AP2A1: variants seen among roughly 807,000 people sequenced by gnomAD.
AP2A1 encodes adaptor related protein complex 2 subunit alpha 1.
A neutral mutation model predicts 107.3 loss-of-function variants in AP2A1; 21 were observed. The ratio of observed to expected loss-of-function variants is 0.20; its 90% CI spans 0.14 to 0.28. The LOEUF (loss-of-function observed/expected upper bound fraction) is 0.28, where lower values mean the gene tolerates loss of function less well. Among genes scored for constraint, AP2A1 ranks in the 10% least tolerant of loss-of-function variants. The probability of loss-of-function intolerance (pLI) is 1.00; values close to 1 mark genes in which losing one functional copy is unlikely to be tolerated. For synonymous variants in AP2A1, 602 were observed against 564.8 expected (o/e 1.07, Z -0.93); for missense variants, 873 against 1,307.7 (o/e 0.67, Z 5.13).
intron 5 of AP2A1, 84 bp from the exon 6 acceptor site, chr19:49,792,907 C>A: frequency 8.2e-7 from 1 of 1,212,422 alleles, no homozygotes; most frequent in Non-Finnish European, 1.2e-6. Context: ...GCACACACAT[C>A]CCGACCCTGT....
rs1201522864 is a variant in AP2A1, at chr19:49,806,529, G to T, written c.2791-152G>T. ...TTTTATAATTTTCTTCCTCTCTGGCGCCTCTGTTGATTTCAGTCTTACATT... is the reference window on the plus strand; with the variant it reads ...TTTTATAATTTTCTTCCTCTCTGGCTCCTCTGTTGATTTCAGTCTTACATT... On this transcript the variant is annotated intron_variant, in intron 22 of 22. Transcript: ENST00000354293. 5.5e-6 allele frequency: 8 copies of T among 1,452,130 alleles called. No individual in the cohort carries two copies. The Admixed American group carries it at 1.7e-4, about 30-fold the overall frequency. The allele number at this position is 1,452,130 out of a possible 1,614,324, so 90.0% of individuals were successfully genotyped here.
intron 18 of AP2A1, 184 bp downstream of exon 18, chr19:49,803,560 T>C: frequency 1.6e-6 from 1 of 626,526 alleles, no homozygotes; most frequent in Non-Finnish European, 2.9e-6. Context: ...GGACAGGGGA[T>C]GACAGTGAAG....
chr19:49,781,999 T>G lies in AP2A1; in HGVS notation c.189T>G (p.Leu63=). 1 of 1,609,252 alleles carries G rather than the reference T, an allele frequency of 6.2e-7. No homozygotes were observed. The highest frequency in any genetic ancestry group is 8.5e-7 in the Non-Finnish European group (1 of 1,177,614). The change falls in exon 3 of 23, where the codon CTT becomes CTG. Residue 63 remains leucine (L), a synonymous_variant. Transcript: ENST00000354293. ...AGAAAAAATATGTGTGTAAACTGCT[T>G]TTCATCTTCCTGCTTGGCCATGACA... is the stretch of plus-strand genomic sequence containing the variant. ...YSKKKYVCKL[L]FIFLLGHDID...
chr19:49,793,224 TTCATCCTGGCTCGGCC>T (rs2073169113), intron 6 of AP2A1, 132 bp downstream of exon 6: 9 of 900,362 alleles, frequency 1.0e-5, no homozygotes, highest in Non-Finnish European at 1.5e-5. Context: ...CTGAGCTGGA[TTCATCCTGGCTCGGCC>T]TCTTCCTGGC....
At chr19:49,802,899 G>GCC in intron 15 of AP2A1, 50 bp from the exon 16 acceptor site, 1 of 1,583,728 alleles carries the variant, frequency 6.3e-7, no homozygotes, top group African/African-American at 1.3e-5. Flanking sequence ...CTGGGCCTTT[G>GCC]CCCCTCCCCA....
intron 4 of AP2A1, among the ~76,000 whole-genome samples, chr19:49,784,511 T>C (rs528760359): frequency 6.6e-6 from 1 of 152,280 alleles, no homozygotes; most frequent in Non-Finnish European, 1.5e-5. Context: ...ATATTTCATA[T>C]GTTTCAATAA....
At chr19:49,783,789 T>C (rs148910173) in intron 4 of AP2A1, among the ~76,000 whole-genome samples, 7 of 152,350 alleles carry the variant, frequency 4.6e-5, no homozygotes, top group East Asian at 1.9e-4. Context: ...TCTCGAAGGC[T>C]GTACTTCAAA....
intron 16 of AP2A1, 31 bp from the exon 17 acceptor site, chr19:49,803,076 C>A: frequency 6.2e-7 from 1 of 1,613,744 alleles, no homozygotes; most frequent in Non-Finnish European, 8.5e-7. Context: ...AGACAGGCAC[C>A]CCCGTCATCT....
chr19:49,800,262 C>T lies in AP2A1; in HGVS notation c.1455+112C>T, dbSNP rs1311515063. On this transcript the variant is annotated intron_variant, in intron 11 of 22. Coordinates refer to ENST00000354293, the MANE Select transcript of AP2A1 (RefSeq NM_130787.3). ...CCGCAGCCACCCTCCTTCTCCTGCA[C>T]TGCCGTGACCTCAAAATGGGGCCTC... 12 of 1,287,032 alleles carry T rather than the reference C, an allele frequency of 9.3e-6. No homozygotes were observed. In the Admixed American group the frequency reaches 1.7e-4, roughly 18 times the overall value. The allele number at this position is 1,287,032 out of a possible 1,614,324, so 79.7% of individuals were successfully genotyped here. A position where few individuals can be genotyped will look rare whatever the true frequency, so the allele number is the denominator to read the frequency against.
chr19:49,806,109 CT>C lies in AP2A1; in HGVS notation c.2656-9del. ...CTGGCACACTCTGACGGCGCCCCCCCTCCTCCCAGCTTCTGGGGTTTGGCTC... is the reference window on the plus strand; with the variant it reads ...CTGGCACACTCTGACGGCGCCCCCCCCCTCCCAGCTTCTGGGGTTTGGCTC... On this transcript the variant is annotated splice_polypyrimidine_tract_variant and intron_variant, in intron 21 of 22. Coordinates refer to ENST00000354293, the MANE Select transcript of AP2A1 (RefSeq NM_130787.3). 6.4e-7 allele frequency: 1 copy of C among 1,566,038 alleles called. No individual in the cohort carries two copies. Among genetic ancestry groups the C allele is most frequent in the Non-Finnish European group, 8.7e-7 (1 of 1,154,804 alleles).
Position 49,806,270 on chromosome 19 carries a change from G to A in AP2A1, c.2790+17G>A, listed in dbSNP as rs915480359. The A allele has an allele frequency of 1.9e-6, 3 of 1,581,828 alleles. No homozygotes were observed. The highest frequency in any genetic ancestry group is 2.6e-6 in the Non-Finnish European group (3 of 1,163,360). On this transcript the variant is annotated intron_variant, in intron 22 of 22. Transcript: ENST00000354293. The stretch of plus-strand genomic sequence containing the variant: ...CAGGCCCAGGTGAGTGCTGCTGTGG[G>A]AGGCCTGAGGCCGGCAGGAAGGCCG...
At position 49,807,092 on chromosome 19, in the gene AP2A1, G is replaced by T; in HGVS notation, c.*334G>T. On this transcript the variant is annotated 3_prime_UTR_variant, in exon 23 of 23. Coordinates refer to ENST00000354293, the MANE Select transcript of AP2A1 (RefSeq NM_130787.3). Reference sequence around the variant, plus strand: ...CCAGGGGCTGTGTATTATTGTGAGCGAATAAACAGAGAGACGCTAACAGCC... The same window carrying T: ...CCAGGGGCTGTGTATTATTGTGAGCTAATAAACAGAGAGACGCTAACAGCC... 1 of 1,605,766 alleles carries T rather than the reference G, an allele frequency of 6.2e-7. No individual in the cohort carries two copies.
chr19:49,806,236 C>A lies in AP2A1; in HGVS notation c.2773C>A (p.Pro925Thr), dbSNP rs767706032. Residue 925 changes from proline to threonine, a missense_variant, in exon 22 of 23, where the codon CCC becomes ACC. Pro to Thr is a conservative substitution (Grantham distance 38, BLOSUM62 -1). Transcript: ENST00000354293. ...LQVGCLLRLE[P>T]NAQAQMYRLT... The stretch of plus-strand genomic sequence containing the variant: ...GGTGGGCTGTCTGCTTCGGCTGGAG[C>A]CCAATGCCCAGGCCCAGGTGAGTGC... 11 of 1,607,176 alleles carry A rather than the reference C, an allele frequency of 6.8e-6. No individual in the cohort carries two copies. The highest frequency in any genetic ancestry group is 9.3e-6 in the Non-Finnish European group (11 of 1,177,310).
Position 49,767,040 on chromosome 19 carries a change from G to T in AP2A1, c.-94G>T, listed in dbSNP as rs2084509376. 7.5e-7 allele frequency: 1 copy of T among 1,335,564 alleles called. No individual in the cohort carries two copies. The highest frequency in any genetic ancestry group is 9.9e-7 in the Non-Finnish European group (1 of 1,011,352). The allele number at this position is 1,335,564 out of a possible 1,614,324, so 82.7% of individuals were successfully genotyped here. A position where few individuals can be genotyped will look rare whatever the true frequency, so the allele number is the denominator to read the frequency against. On this transcript the variant is annotated 5_prime_UTR_variant, in exon 1 of 23. Coordinates refer to ENST00000354293, the MANE Select transcript of AP2A1 (RefSeq NM_130787.3). ...CCCGCGGCCGGCTCGGCTCCTTGGC[G>T]CTGCCTGGGGTCCTTTCCGCCCGGT... is the stretch of plus-strand genomic sequence containing the variant.
chr19:49,767,094 G>T lies in AP2A1; in HGVS notation c.-40G>T. The T allele has an allele frequency of 6.2e-7, 1 of 1,606,136 alleles. No homozygotes were observed. The highest frequency in any genetic ancestry group is 8.5e-7 in the Non-Finnish European group (1 of 1,178,254). On this transcript the variant is annotated 5_prime_UTR_variant, in exon 1 of 23. Transcript: ENST00000354293. ...CGCTTGCCAGCCCCCGCTGCTCTGT[G>T]CCCTGTCCGGCCAGGCCTGGAGCCG...
intron 4 of AP2A1, among the ~76,000 whole-genome samples, chr19:49,790,540 A>G (rs1266550684): frequency 6.6e-6 from 1 of 152,168 alleles, no homozygotes; most frequent in Non-Finnish European, 1.5e-5. Context: ...GTGGGTCTAC[A>G]GGCATGCGCC....
At chr19:49,795,856 T>C in intron 7 of AP2A1, 118 bp downstream of exon 7, 1 of 823,184 alleles carries the variant, frequency 1.2e-6, no homozygotes, top group Non-Finnish European at 1.9e-6. Context: ...TCTCTGAAGC[T>C]GGGGCGGTTC....
At chr19:49,776,606 C>T (rs935221445) in intron 1 of AP2A1, among the ~76,000 whole-genome samples, 1 of 149,076 alleles carries the variant, frequency 6.7e-6, no homozygotes, top group Non-Finnish European at 1.5e-5. Flanking sequence ...GCTTGCTTGC[C>T]TCCTGTGACA....
intron 18 of AP2A1, 140 bp from the exon 19 acceptor site, chr19:49,805,313 T>C: frequency 9.7e-7 from 1 of 1,034,500 alleles, no homozygotes; most frequent in Non-Finnish European, 1.3e-6. Context: ...AGTTGAACCT[T>C]GTAGGATTGA....
Sources: allele counts gnomAD v4.1 joint callset (sites outside exome capture counted in the v4.1 genomes callset), GRCh38; gene constraint gnomAD v4.1.1; transcripts MANE v1.5; gene names NCBI Gene and HGNC (gene_info 2026-07-23, HGNC 2026-07-21).